Variants in RBPMS observed in about 807,000 individuals in gnomAD.
The protein encoded by RBPMS is RNA-binding protein with multiple splicing.
RBPMS carries 7 observed loss-of-function variants against 26.8 expected under a neutral mutation model. The observed-to-expected ratio is 0.26, with a 90% CI of 0.15 to 0.49. The LOEUF is 0.49. RBPMS is among the 20% of genes least tolerant of loss of function. The pLI, the probability that RBPMS is intolerant of heterozygous loss-of-function variation, is 0.98. For missense variants in RBPMS, 186 were observed against 250.0 expected, an observed-to-expected ratio of 0.74 and a Z score of 1.73; for synonymous variants, 96 against 93.3, an observed-to-expected ratio of 1.03 and a Z score of -0.17.
chr8:30,446,854 C>CGCGCGCGCGCACGT (rs1554515792), intron 1 of RBPMS: 35 of 138,062 alleles, frequency 2.5e-4, no homozygotes, highest in African/African-American at 9.3e-4. Flanking sequence ...CGCGCGCGCG[C>CGCGCGCGCGCACGT]GCGCGGTGGA....
rs374952846 is a variant in RBPMS at position 30,421,150 on chromosome 8, GGTGTGTGTGTGTGTGAGAGAGA to G, written c.66+36006_66+36027del. On this transcript the variant is annotated intron_variant, in intron 1 of 8. Transcript: ENST00000397323. ...TTGTGAAAATTTGTTTTCTTAGGGA[GGTGTGTGTGTGTGTGAGAGAGA>G]GTGTGTGTGTGTGAGTGTGCGCATG... is the stretch of plus-strand genomic sequence containing the variant. 2.5e-3 allele frequency among the ~76,000 whole-genome samples: 382 copies of G among 151,688 alleles called. 3 individuals are homozygous for G. The highest frequency in any genetic ancestry group is 5.8e-3 in the African/African-American group (241 of 41,398).
chr8:30,488,810 A>G (rs1819066929), intron 4 of RBPMS, among the ~76,000 whole-genome samples: 1 of 152,182 alleles, frequency 6.6e-6, no homozygotes, highest in African/African-American at 2.4e-5. Flanking sequence ...TTGTACCTGT[A>G]AAAAGGTACT....
chr8:30,475,486 G>A (rs1236076788), intron 2 of RBPMS, among the ~76,000 whole-genome samples: 1 of 152,204 alleles, frequency 6.6e-6, no homozygotes, highest in African/African-American at 2.4e-5. Flanking sequence ...GCCCTGGAAG[G>A]GATATGTTCC....
chr8:30,528,156 C>A (rs924828594), intron 5 of RBPMS, among the ~76,000 whole-genome samples: 5 of 140,006 alleles, frequency 3.6e-5, no homozygotes, highest in Non-Finnish European at 3.1e-5. Context: ...GCCTGGGCAA[C>A]AAGAGCGAAA....
intron 6 of RBPMS, among the ~76,000 whole-genome samples, chr8:30,549,293 C>T (rs1826102984): frequency 6.6e-6 from 1 of 152,152 alleles, no homozygotes; most frequent in Non-Finnish European, 1.5e-5. Flanking sequence ...GACCCCTGAC[C>T]CCAGACTGCC....
chr8:30,539,662 G>A (rs1348561330), intron 5 of RBPMS, among the ~76,000 whole-genome samples: 1 of 143,518 alleles, frequency 7.0e-6, no homozygotes, highest in Non-Finnish European at 1.5e-5. Flanking sequence ...GTCTCGCTCT[G>A]TCGCCCAGGC....
chr8:30,416,112 C>T (rs762647463), intron 1 of RBPMS, among the ~76,000 whole-genome samples: 4 of 152,112 alleles, frequency 2.6e-5, no homozygotes, highest in African/African-American at 4.8e-5. Context: ...TATACCCTAG[C>T]GATGTTCCCT....
Position 30,435,717 on chromosome 8 carries a change from T to C in RBPMS, c.67-39062T>C, listed in dbSNP as rs149025921. Among the ~76,000 whole-genome samples, 71 of 152,200 alleles carry C rather than the reference T, an allele frequency of 4.7e-4. 1 individual carries two copies. The highest frequency in any genetic ancestry group is 1.6e-3 in the African/African-American group (68 of 41,502). ...GTGGATGGGTCAATGGAGTGATGAG[T>C]TAGGGAAGACTCTACATCAAGAATA... is the stretch of plus-strand genomic sequence containing the variant. On this transcript the variant is annotated intron_variant, in intron 1 of 8. Coordinates refer to ENST00000397323, the MANE Select transcript of RBPMS (RefSeq NM_001008710.3).
intron 5 of RBPMS, among the ~76,000 whole-genome samples, chr8:30,510,168 G>A (rs1420568632): frequency 1.3e-5 from 2 of 152,136 alleles, no homozygotes; most frequent in Non-Finnish European, 2.9e-5. Flanking sequence ...ATATGGCACA[G>A]ATACGCTTGC....
intron 1 of RBPMS, among the ~76,000 whole-genome samples, chr8:30,439,285 C>A (rs1021555754): frequency 6.6e-6 from 1 of 152,226 alleles, no homozygotes; most frequent in Non-Finnish European, 1.5e-5. Flanking sequence ...CCTCTTTAAT[C>A]AAAGTCAAAA....
At chr8:30,422,312 G>A (rs972493918) in intron 1 of RBPMS, among the ~76,000 whole-genome samples, 1 of 151,758 alleles carries the variant, frequency 6.6e-6, no homozygotes, top group Non-Finnish European at 1.5e-5. Context: ...ATAGGGTTTC[G>A]CCAGTTGGCC....
At chr8:30,409,612 G>A (rs995785569) in intron 1 of RBPMS, among the ~76,000 whole-genome samples, 3 of 152,108 alleles carry the variant, frequency 2.0e-5, no homozygotes, top group African/African-American at 7.2e-5. Context: ...GTGAATATGC[G>A]TCCTAATACA....
intron 5 of RBPMS, among the ~76,000 whole-genome samples, chr8:30,519,680 G>A (rs1822826718): frequency 6.6e-6 from 1 of 151,820 alleles, no homozygotes; most frequent in Non-Finnish European, 1.5e-5. Flanking sequence ...TGTATTTTTA[G>A]TAGAGATGGA....
chr8:30,513,536 C>A (rs939383162), intron 5 of RBPMS, among the ~76,000 whole-genome samples: 1 of 138,958 alleles, frequency 7.2e-6, no homozygotes, highest in Admixed American at 8.1e-5. Context: ...TGCAGTGAGC[C>A]GAGATTTCAC....
intron 1 of RBPMS, among the ~76,000 whole-genome samples, chr8:30,457,674 C>T (rs1176935917): frequency 6.6e-6 from 1 of 150,656 alleles, no homozygotes; most frequent in African/African-American, 2.5e-5. Flanking sequence ...CAACCTCTGC[C>T]TCCCGGGTTC....
chr8:30,435,741 T>C (rs1812381898), intron 1 of RBPMS, among the ~76,000 whole-genome samples: 1 of 152,200 alleles, frequency 6.6e-6, no homozygotes, highest in Non-Finnish European at 1.5e-5. Flanking sequence ...ACATCAAGAA[T>C]ACTCTTGAAG....
intron 4 of RBPMS, among the ~76,000 whole-genome samples, chr8:30,495,404 C>CA (rs1474250739): frequency 3.3e-5 from 5 of 152,166 alleles, no homozygotes; most frequent in Admixed American, 3.3e-4. Flanking sequence ...TGCCCAGACT[C>CA]ATGGCCCAGC....
intron 4 of RBPMS, among the ~76,000 whole-genome samples, chr8:30,497,941 G>A (rs886512062): frequency 9.9e-5 from 15 of 151,806 alleles, no homozygotes; most frequent in African/African-American, 3.6e-4. Context: ...CAGAGGGATA[G>A]TAGCAAATTT....
chr8:30,572,168 A>C lies in RBPMS; in HGVS notation c.*1643A>C, dbSNP rs945081567. ...GACTGTACTCCTAAGGAAAATAGCC[A>C]CTTCTGCAGTCTATTATGCTTTTAT... On this transcript the variant is annotated 3_prime_UTR_variant, in exon 9 of 9. Transcript: ENST00000397323. 7 of 152,208 alleles carry C rather than the reference A, an allele frequency of 4.6e-5. No homozygotes were observed. Among genetic ancestry groups the C allele is most frequent in the African/African-American group, 1.7e-4 (7 of 41,442 alleles). 9.4% of individuals were successfully genotyped at this position (152,208 alleles called of 1,614,324 possible).
Sources: allele counts gnomAD v4.1 joint callset (sites outside exome capture counted in the v4.1 genomes callset), GRCh38; gene constraint gnomAD v4.1.1; transcripts MANE v1.5; gene names NCBI Gene and HGNC (gene_info 2026-07-23, HGNC 2026-07-21).